Variants in MED15 observed in about 807,000 individuals in gnomAD.
MED15 encodes mediator of RNA polymerase II transcription subunit 15.
Under a neutral mutation model 118.7 loss-of-function variants are expected in MED15, and 41 were observed. The observed-to-expected ratio is 0.35, with a 90% confidence interval of 0.27 to 0.45. MED15 has a LOEUF of 0.45. Ranked by LOEUF, MED15 falls within the 20% of genes least tolerant of loss-of-function variation. The probability of loss-of-function intolerance (pLI) is 1.00; values close to 1 mark genes in which losing one functional copy is unlikely to be tolerated. For missense variants in MED15, 740 were observed against 1,025.5 expected (o/e 0.72, Z 3.80); for synonymous variants, 436 against 413.9 (o/e 1.05, Z -0.65).
intron 1 of MED15, chr22:20,523,659 G>T: frequency 1.0e-6 from 1 of 985,396 alleles, no homozygotes; most frequent in Non-Finnish European, 1.2e-6. Flanking sequence ...TTGCCTGGTG[G>T]TGAATGGGAC....
At chr22:20,558,164 G>A (rs186092676) in intron 5 of MED15, among the ~76,000 whole-genome samples, 8 of 152,272 alleles carry the variant, frequency 5.3e-5, no homozygotes, top group Non-Finnish European at 5.9e-5. Flanking sequence ...TACCACCTTT[G>A]TCAGAGGCCA....
rs2056459105 is a variant in MED15, at chr22:20,566,799, C to T, written c.1023C>T (p.Thr341=). Reference sequence around the variant, plus strand: ...CTCTCCCTGGACAAATGTTGTATACCCAACCACCACTGAAATTTGTGAGTA... The same window carrying T: ...CTCTCCCTGGACAAATGTTGTATACTCAACCACCACTGAAATTTGTGAGTA... The part of the protein sequence containing the change: ...AQALPGQMLY[T]QPPLKFVRAP... Residue 341 remains threonine, a synonymous_variant, in exon 7 of 18, where the codon ACC becomes ACT. Coordinates refer to ENST00000263205, the MANE Select transcript of MED15 (RefSeq NM_001003891.3). 1.9e-6 allele frequency: 3 copies of T among 1,613,564 alleles called. No individual in the cohort carries two copies. Among genetic ancestry groups the T allele is most frequent in the Non-Finnish European group, 2.5e-6 (3 of 1,179,606 alleles).
At chr22:20,548,406 C>T (rs981497871) in intron 2 of MED15, among the ~76,000 whole-genome samples, 1 of 152,148 alleles carries the variant, frequency 6.6e-6, no homozygotes, top group Non-Finnish European at 1.5e-5. Context: ...CTCAGGTGAT[C>T]CTCCTGTCTT....
At chr22:20,551,961 G>T (rs984706941) in intron 3 of MED15, among the ~76,000 whole-genome samples, 1 of 152,204 alleles carries the variant, frequency 6.6e-6, no homozygotes, top group African/African-American at 2.4e-5. Flanking sequence ...GAGGGCCCCC[G>T]TGTTAACCTC....
intron 1 of MED15, among the ~76,000 whole-genome samples, chr22:20,523,276 T>C (rs1157777603): frequency 1.3e-5 from 2 of 152,116 alleles, no homozygotes; most frequent in African/African-American, 4.8e-5. Context: ...ACCTGCATGC[T>C]CACAGCCCAG....
intron 1 of MED15, among the ~76,000 whole-genome samples, chr22:20,517,723 G>A (rs1332423229): frequency 6.6e-6 from 1 of 152,174 alleles, no homozygotes; most frequent in African/African-American, 2.4e-5. Flanking sequence ...GAGTACTGCT[G>A]CAGGCCCATT....
intron 8 of MED15, among the ~76,000 whole-genome samples, chr22:20,572,792 G>T (rs1395556804): frequency 6.6e-6 from 1 of 152,122 alleles, no homozygotes; most frequent in Non-Finnish European, 1.5e-5. Flanking sequence ...GGGCGGAGTG[G>T]TGCGTGTCTG....
chr22:20,556,999 T>C (rs1166329562), intron 5 of MED15, among the ~76,000 whole-genome samples: 1 of 152,242 alleles, frequency 6.6e-6, no homozygotes, highest in East Asian at 1.9e-4. Flanking sequence ...GCTTATTCAT[T>C]CACCCATGAA....
rs140480228 is a variant in MED15 at position 20,572,517 on chromosome 22, T to G, written c.1153-2596T>G. ...ATTCTAGAAAAATTGCTCAGCCTTG[T>G]GCTGTGCACACCTGGTTCTCTTTCC... On this transcript the variant is annotated intron_variant, in intron 8 of 17. Coordinates refer to ENST00000263205, the MANE Select transcript of MED15 (RefSeq NM_001003891.3). Among the ~76,000 whole-genome samples, 269 of 152,390 alleles carry G rather than the reference T, an allele frequency of 1.8e-3. 1 individual carries two copies. Among genetic ancestry groups the G allele is most frequent in the African/African-American group, 6.2e-3 (259 of 41,592 alleles).
rs1459744269 is a variant in MED15, at chr22:20,582,892, C to T, written c.1462C>T (p.Pro488Ser). ...SSFLPSPSPQ[P>S]SQSPVTARTP... The stretch of plus-strand genomic sequence containing the variant: ...CTTCCTGCCCAGCCCCTCACCGCAG[C>T]CCTCCCAGAGCCCAGTGACGGCGCG... Residue 488 changes from proline to serine, a missense_variant, in exon 11 of 18, where the codon CCC (proline) becomes TCC (serine). Physicochemically the swap from Pro to Ser is moderately conservative, Grantham distance 74. This residue lies in a region of MED15 where 384 missense variants were observed against 506.3 expected (regional missense o/e 0.76). Transcript: ENST00000263205. The T allele has an allele frequency of 6.2e-7, 1 of 1,613,512 alleles. No individual in the cohort carries two copies. The highest frequency in any genetic ancestry group is 1.7e-5 in the Admixed American group (1 of 59,990).
intron 5 of MED15, among the ~76,000 whole-genome samples, chr22:20,564,182 T>C (rs1240459135): frequency 1.3e-5 from 2 of 152,222 alleles, no homozygotes; most frequent in Non-Finnish European, 2.9e-5. Flanking sequence ...TGCCAGAGTC[T>C]AGGCTTCTTA....
At chr22:20,512,758 ATT>A (rs953182874) in intron 1 of MED15, among the ~76,000 whole-genome samples, 5 of 138,904 alleles carry the variant, frequency 3.6e-5, no homozygotes, top group Non-Finnish European at 7.8e-5. Context: ...CGCCCAGCTA[ATT>A]TTTTTTTTTT....
chr22:20,586,677 C>G lies in MED15; in HGVS notation c.2340C>G (p.Val780=). ...TALLNTWAQS[V]HQACLSAA ...TGCTCAACACCTGGGCCCAGAGCGT[C>G]CACCAGGCCTGCCTCTCAGCCGCCT... The change falls in exon 18 of 18, where the codon GTC becomes GTG. Residue 780 remains valine (V), a synonymous_variant. Coordinates refer to ENST00000263205, the MANE Select transcript of MED15 (RefSeq NM_001003891.3). The G allele has an allele frequency of 6.2e-7, 1 of 1,612,786 alleles. No homozygotes were observed. The highest frequency in any genetic ancestry group is 8.5e-7 in the Non-Finnish European group (1 of 1,179,954).
At chr22:20,553,990 C>T (rs1259657779) in intron 4 of MED15, among the ~76,000 whole-genome samples, 1 of 152,242 alleles carries the variant, frequency 6.6e-6, no homozygotes, top group Non-Finnish European at 1.5e-5. Context: ...TTAACAGATC[C>T]AGGCTGGCCA....
rs115116952 is a variant in MED15, at chr22:20,582,228, G to A, written c.1273-383G>A. On this transcript the variant is annotated intron_variant, in intron 9 of 17. Transcript: ENST00000263205. Reference sequence around the variant, plus strand: ...TGGTCAGCAGAGCAGGGTCCTCACCGACCCACAGAGGAGCATGTCACAGGA... The same window carrying A: ...TGGTCAGCAGAGCAGGGTCCTCACCAACCCACAGAGGAGCATGTCACAGGA... 1.1e-3 allele frequency: 341 copies of A among 319,934 alleles called. 3 individuals are homozygous for A. Among genetic ancestry groups the A allele is most frequent in the Non-Finnish European group, 1.1e-3 (192 of 171,118 alleles). 19.8% of individuals were successfully genotyped at this position (319,934 alleles called of 1,614,324 possible). A position where few individuals can be genotyped will look rare whatever the true frequency, so the allele number is the denominator to read the frequency against.
intron 3 of MED15, chr22:20,551,736 G>C (rs1007204915): frequency 1.6e-5 from 9 of 547,152 alleles, no homozygotes; most frequent in African/African-American, 3.8e-5. Context: ...GGTCTAAACG[G>C]GTTGCTGCTT....
At chr22:20,577,858 G>T (rs749332814) in intron 9 of MED15, among the ~76,000 whole-genome samples, 8 of 152,114 alleles carry the variant, frequency 5.3e-5, no homozygotes, top group Non-Finnish European at 1.0e-4. Flanking sequence ...TATGGAAAGA[G>T]GAAGGAAGGC....
chr22:20,552,700 C>A, intron 3 of MED15: 1 of 310,188 alleles, frequency 3.2e-6, no homozygotes, highest in Non-Finnish European at 6.7e-6. Context: ...GCCTCAGTTT[C>A]CTCATCTAGG....
intron 9 of MED15, among the ~76,000 whole-genome samples, chr22:20,577,531 C>G (rs1017698067): frequency 1.3e-5 from 2 of 151,960 alleles, no homozygotes; most frequent in African/African-American, 4.8e-5. Context: ...TCTCTAGAAG[C>G]TTCCAACCCC....
Sources: allele counts gnomAD v4.1 joint callset (sites outside exome capture counted in the v4.1 genomes callset), GRCh38; gene constraint gnomAD v4.1.1; regional missense constraint gnomAD v4.1.1; transcripts MANE v1.5; gene names NCBI Gene and HGNC (gene_info 2026-07-23, HGNC 2026-07-21).